The following CLPTM1L variants were observed in gnomAD, a reference collection of about 807,000 sequenced individuals.
The protein encoded by CLPTM1L is CLPTM1 like.
In CLPTM1L, 38 loss-of-function variants were observed where a neutral mutation model predicts 70.9. The observed-to-expected ratio is 0.54, with a 90% CI of 0.41 to 0.70. The LOEUF is 0.70. Ranked by LOEUF, CLPTM1L falls within the 30% of genes least tolerant of loss-of-function variation. CLPTM1L has a pLI of 0.00. For missense variants in CLPTM1L, 652 were observed against 705.9 expected, an observed-to-expected ratio of 0.92 and a Z score of 0.87; for synonymous variants, 339 against 299.9, an observed-to-expected ratio of 1.13 and a Z score of -1.35.
chr5:1,319,248 G>A (rs756079929), intron 16 of CLPTM1L, among the ~76,000 whole-genome samples: 9 of 151,638 alleles, frequency 5.9e-5, no homozygotes, highest in Non-Finnish European at 1.3e-4. Context: ...GTGAACGGGG[G>A]ACAGGAACCA....
In CLPTM1L at chr5:1,339,113, CTG is replaced by C. The variant is rs1272187850; in HGVS notation, c.454-110_454-109del. On this transcript the variant is annotated intron_variant, in intron 3 of 16. Transcript: ENST00000320895. ...CAGAACGGCCACACAGACAGGCAAA[CTG>C]TGCCCGGGACAGCAGGGTCAGCCCC... The C allele has an allele frequency of 3.8e-6, 5 of 1,329,124 alleles. No homozygotes were observed. The African/African-American group carries it at 5.8e-5, about 16-fold the overall frequency. The allele number at this position is 1,329,124 out of a possible 1,614,324, so 82.3% of individuals were successfully genotyped here.
chr5:1,342,456 A>G lies in CLPTM1L; in HGVS notation c.264-596T>C, dbSNP rs1754010791. On this transcript the variant is annotated intron_variant, in intron 2 of 16. Transcript: ENST00000320895. This position sits in a 1 kb window ranked among gnomAD's most constrained non-coding sequence, Gnocchi z 4.3. Reference sequence around the variant, plus strand: ...GCACGAGCTGAGGAAAGGCCCGGCGAGCTGCTACAACTGTAGGCCTCGGAC... The same window carrying G: ...GCACGAGCTGAGGAAAGGCCCGGCGGGCTGCTACAACTGTAGGCCTCGGAC... Among the ~76,000 whole-genome samples, 1 of 152,200 alleles carries G rather than the reference A, an allele frequency of 6.6e-6. No individual in the cohort carries two copies.
rs969773175 is a variant in CLPTM1L, at chr5:1,344,874, C to T, written c.-33G>A. On this transcript the variant is annotated 5_prime_UTR_variant, in exon 1 of 17. Coordinates refer to ENST00000320895, the MANE Select transcript of CLPTM1L (RefSeq NM_030782.5). ...CCGCGCCCGGCGCCCCCGGCCCGCCCGCCTCTCAGCCGCGAGCCCCGCCCG... is the reference window on the plus strand; with the variant it reads ...CCGCGCCCGGCGCCCCCGGCCCGCCTGCCTCTCAGCCGCGAGCCCCGCCCG... The T allele has an allele frequency of 7.9e-7, 1 of 1,265,352 alleles. No individual in the cohort carries two copies. The allele number at this position is 1,265,352 out of a possible 1,614,324, so 78.4% of individuals were successfully genotyped here.
rs3222913 is a variant in CLPTM1L, at chr5:1,342,039, T to TGTGTGTGC, written c.264-180_264-179insGCACACAC. Among the ~76,000 whole-genome samples, 2,164 of 149,068 alleles carry TGTGTGTGC rather than the reference T, an allele frequency of 0.015. 45 individuals are homozygous for TGTGTGTGC. Among genetic ancestry groups the TGTGTGTGC allele is most frequent in the Middle Eastern group, 0.031 (9 of 288 alleles). ...GTGTGTGTGTGTGTGTGTGTGTGTGTGCACGCGCACGCGTGCGCGTCCTGA... is the reference window on the plus strand; with the variant it reads ...GTGTGTGTGTGTGTGTGTGTGTGTGTGTGTGTGCGCACGCGCACGCGTGCGCGTCCTGA... On this transcript the variant is annotated intron_variant, in intron 2 of 16. Coordinates refer to ENST00000320895, the MANE Select transcript of CLPTM1L (RefSeq NM_030782.5). The surrounding 1 kb of genome is among the most constrained non-coding windows in gnomAD (Gnocchi z 4.3).
intron 6 of CLPTM1L, 58 bp downstream of exon 6, chr5:1,334,999 G>A (rs1753473206): frequency 1.5e-6 from 2 of 1,366,672 alleles, no homozygotes; most frequent in South Asian, 1.2e-5. Context: ...TTCGCACTTG[G>A]ATGCCCGAGG....
chr5:1,323,693 G>A (rs1031212980), intron 12 of CLPTM1L, 94 bp downstream of exon 12: 35 of 1,059,398 alleles, frequency 3.3e-5, no homozygotes, highest in Admixed American at 2.3e-4. Context: ...CCGGCCCCGA[G>A]TTTGCCCTCC....
chr5:1,323,989 G>C, intron 11 of CLPTM1L, 120 bp from the exon 12 acceptor site: 2 of 788,702 alleles, frequency 2.5e-6, no homozygotes, highest in Non-Finnish European at 4.3e-6. Context: ...CAGGGTGGCA[G>C]GGCTGCTCTG....
chr5:1,339,136 GC>G lies in CLPTM1L; in HGVS notation c.454-132del, dbSNP rs1325497512. 9.1e-6 allele frequency: 10 copies of G among 1,099,038 alleles called. No individual in the cohort carries two copies. The East Asian group carries it at 2.3e-4, about 26-fold the overall frequency. 68.1% of individuals were successfully genotyped at this position (1,099,038 alleles called of 1,614,324 possible). A position where few individuals can be genotyped will look rare whatever the true frequency, so the allele number is the denominator to read the frequency against. ...AACTGTGCCCGGGACAGCAGGGTCA[GC>G]CCCCTAACCTGTGAAGAGATGGCCA... On this transcript the variant is annotated intron_variant, in intron 3 of 16. Transcript: ENST00000320895.
At position 1,331,839 on chromosome 5, in the gene CLPTM1L, C is replaced by T; in HGVS notation, c.936G>A (p.Trp312Ter). ...FLAFKNDISF[W>*]KKKKSMIGMS... Reference sequence around the variant, plus strand: ...TGCCGATCATGCTCTTCTTCTTCTTCCAGAAACTGATGTCATTTTTAAAGG... The same window carrying T: ...TGCCGATCATGCTCTTCTTCTTCTTTCAGAAACTGATGTCATTTTTAAAGG... The change falls in exon 8 of 17, where the codon TGG becomes TGA. Residue 312 changes from tryptophan to a stop codon, truncating the protein, a stop_gained. Transcript: ENST00000320895. LOFTEE classifies it high-confidence loss of function. 6.2e-7 allele frequency: 1 copy of T among 1,613,446 alleles called. No individual in the cohort carries two copies. The highest frequency in any genetic ancestry group is 1.1e-5 in the South Asian group (1 of 91,088).
chr5:1,320,772 G>A (rs1255074566), intron 15 of CLPTM1L, 41 bp from the exon 16 acceptor site: 1 of 1,228,718 alleles, frequency 8.1e-7, no homozygotes, highest in African/African-American at 1.5e-5. Context: ...CCAGTTGCTG[G>A]GGCTGGAATC....
rs1751967415 is a variant in CLPTM1L, at chr5:1,318,561, G to A, written c.1533-108C>T. On this transcript the variant is annotated intron_variant, in intron 16 of 16. Transcript: ENST00000320895. This position sits in a 1 kb window ranked among gnomAD's most constrained non-coding sequence, Gnocchi z 8.9. The stretch of plus-strand genomic sequence containing the variant: ...ATTTTCCAGTGAGCTGCCACAGTGA[G>A]CAAATTAACTAAAAAGTCGAATCCT... 4 of 863,700 alleles carry A rather than the reference G, an allele frequency of 4.6e-6. No homozygotes were observed. Among genetic ancestry groups the A allele is most frequent in the African/African-American group, 1.7e-5 (1 of 59,416 alleles). 53.5% of individuals were successfully genotyped at this position (863,700 alleles called of 1,614,324 possible). A position where few individuals can be genotyped will look rare whatever the true frequency, so the allele number is the denominator to read the frequency against.
At position 1,332,123 on chromosome 5, in the gene CLPTM1L, T is replaced by TG. The variant is rs1001735557; in HGVS notation, c.892-241dup. 7.6e-6 allele frequency: 4 copies of TG among 528,358 alleles called. No individual in the cohort carries two copies. In the African/African-American group the frequency reaches 7.6e-5, roughly 10 times the overall value. The allele number at this position is 528,358 out of a possible 1,614,324, so 32.7% of individuals were successfully genotyped here. A position where few individuals can be genotyped will look rare whatever the true frequency, so the allele number is the denominator to read the frequency against. On this transcript the variant is annotated intron_variant, in intron 7 of 16. Transcript: ENST00000320895. Reference sequence around the variant, plus strand: ...TCTGAAATAATACGTACCTTTGACTTGAACTGCTGGAAAGGCCCCCAGGCA... The same window carrying TG: ...TCTGAAATAATACGTACCTTTGACTTGGAACTGCTGGAAAGGCCCCCAGGCA...
In CLPTM1L at chr5:1,344,972, G is replaced by A; in HGVS notation, c.-131C>T. 1 of 412,976 alleles carries A rather than the reference G, an allele frequency of 2.4e-6. No homozygotes were observed. The allele number at this position is 412,976 out of a possible 1,614,324, so 25.6% of individuals were successfully genotyped here. ...CGCCGCGCGCCACCGCCACCGCCGC[G>A]GGGGAACGAATGCGCCGCGCGCCGC... On this transcript the variant is annotated 5_prime_UTR_variant, in exon 1 of 17. Transcript: ENST00000320895.
intron 13 of CLPTM1L, 143 bp downstream of exon 13, chr5:1,322,734 A>T: frequency 3.6e-6 from 3 of 823,966 alleles, no homozygotes; most frequent in Non-Finnish European, 4.2e-6. Context: ...AGCCCTGGGC[A>T]CCGCACATGT....
At chr5:1,323,727 T>C in intron 12 of CLPTM1L, 60 bp downstream of exon 12, 10 of 1,458,782 alleles carry the variant, frequency 6.9e-6, no homozygotes, top group Non-Finnish European at 9.6e-6. Flanking sequence ...TCTGGCTCAG[T>C]CATCCAAATG....
chr5:1,333,308 T>TAC (rs1298493041), intron 7 of CLPTM1L, among the ~76,000 whole-genome samples: 1 of 99,308 alleles, frequency 1.0e-5, no homozygotes, highest in African/African-American at 4.0e-5. Flanking sequence ...GACTACTGTA[T>TAC]ACACACGGGA....
intron 7 of CLPTM1L, among the ~76,000 whole-genome samples, chr5:1,332,935 C>A (rs72491340): frequency 2.1e-5 from 3 of 142,674 alleles, no homozygotes; most frequent in Non-Finnish European, 4.6e-5. Flanking sequence ...GGATAAGGGG[C>A]GGACTACTGT....
In CLPTM1L at chr5:1,318,461, G is replaced by T. The variant is rs1360944683; in HGVS notation, c.1533-8C>A. ...TTATCCACAGGATAAAGCCTGCAATGACACAAATGAGCACATCAGCAAACC... is the reference window on the plus strand; with the variant it reads ...TTATCCACAGGATAAAGCCTGCAATTACACAAATGAGCACATCAGCAAACC... On this transcript the variant is annotated splice_region_variant and splice_polypyrimidine_tract_variant and intron_variant, in intron 16 of 16. Coordinates refer to ENST00000320895, the MANE Select transcript of CLPTM1L (RefSeq NM_030782.5). This position sits in a 1 kb window ranked among gnomAD's most constrained non-coding sequence, Gnocchi z 8.9. 6.2e-7 allele frequency: 1 copy of T among 1,612,426 alleles called. No individual in the cohort carries two copies. Among genetic ancestry groups the T allele is most frequent in the Admixed American group, 1.7e-5 (1 of 59,974 alleles).
At chr5:1,319,354 A>AGGG (rs201640781) in intron 16 of CLPTM1L, among the ~76,000 whole-genome samples, 2 of 1,772 alleles carry the variant, frequency 1.1e-3, no homozygotes, top group African/African-American at 2.5e-3. Flanking sequence ...AGACAGCAAC[A>AGGG]GGGTGGGGGG....
Sources: allele counts gnomAD v4.1 joint callset (sites outside exome capture counted in the v4.1 genomes callset), GRCh38; gene constraint gnomAD v4.1.1; non-coding constraint Gnocchi (gnomAD v3.1); transcripts MANE v1.5; gene names NCBI Gene and HGNC (gene_info 2026-07-23, HGNC 2026-07-21).